F5: variants seen among roughly 807,000 people sequenced by gnomAD.
F5 encodes the protein coagulation factor V, also known as activated protein c cofactor.
In F5, 138 loss-of-function variants were observed where a neutral mutation model predicts 216.4. That is an observed-to-expected ratio of 0.64 (90% CI 0.56 to 0.73). F5 has a LOEUF of 0.73. F5 is among the 30% of genes least tolerant of loss of function. F5 has a pLI of 0.00. For synonymous variants in F5, 916 were observed against 930.7 expected (o/e 0.98, Z 0.29); for missense variants, 2,403 against 2,674.0 (o/e 0.90, Z 2.24).
chr1:169,531,532 A>G (rs994659241), intron 14 of F5, among the ~76,000 whole-genome samples: 4 of 152,186 alleles, frequency 2.6e-5, no homozygotes, highest in African/African-American at 9.7e-5. Context: ...TGGCCATCAT[A>G]GAATGAACAG....
chr1:169,572,689 T>A (rs544419608), intron 2 of F5, among the ~76,000 whole-genome samples: 2 of 152,114 alleles, frequency 1.3e-5, no homozygotes, highest in Non-Finnish European at 2.9e-5. Flanking sequence ...TTACAGAGGG[T>A]GATGCGAGAG....
Position 169,560,628 on chromosome 1 carries a change from A to G in F5, c.512T>C (p.Ile171Thr). 1 of 1,613,654 alleles carries G rather than the reference A, an allele frequency of 6.2e-7. No individual in the cohort carries two copies. Among genetic ancestry groups the G allele is most frequent in the Non-Finnish European group, 8.5e-7 (1 of 1,179,792 alleles). ...GATCAGATTTTCATGGGAGTAATAG[A>G]TGTGTGTGAGGCATGGAGGGTCATC... is the stretch of plus-strand genomic sequence containing the variant. ...THDDPPCLTH[I>T]YYSHENLIED... Residue 171 changes from isoleucine to threonine, a missense_variant, in exon 4 of 25, where the codon ATC becomes ACC. Coordinates refer to ENST00000367797, the MANE Select transcript of F5 (RefSeq NM_000130.5).
In F5 at chr1:169,546,606, C is replaced by T; in HGVS notation, c.1612-14G>A. ...GTCTGCTGCCCTCTGGAGGACAAAA[C>T]AGTATAGTACTGGTACAAGAACAGA... On this transcript the variant is annotated splice_polypyrimidine_tract_variant and intron_variant, in intron 10 of 24. Transcript: ENST00000367797. The T allele has an allele frequency of 6.2e-7, 1 of 1,612,960 alleles. No individual in the cohort carries two copies. The highest frequency in any genetic ancestry group is 8.5e-7 in the Non-Finnish European group (1 of 1,179,036).
rs1251630663 is a variant in F5, at chr1:169,560,652, T to G, written c.488A>C (p.Asp163Ala). ...GATGTGTGTGAGGCATGGAGGGTCA[T>G]CATGGGTGGGTCCACTGTCCTCACT... Reference protein sequence around the residue: ...SISEDSGPTHDDPPCLTHIYY... With the variant: ...SISEDSGPTHADPPCLTHIYY... Residue 163 changes from aspartate (D) to alanine (A), a missense_variant, in exon 4 of 25, where the codon GAT becomes GCT. Asp to Ala is a moderately radical substitution (Grantham distance 126, BLOSUM62 -2). Around this residue, in one of 4 missense-constraint regions of F5, gnomAD observed 1,425 missense variants for 1,554.8 expected, o/e 0.92. Coordinates refer to ENST00000367797, the MANE Select transcript of F5 (RefSeq NM_000130.5). 1 of 1,613,778 alleles carries G rather than the reference T, an allele frequency of 6.2e-7. No individual in the cohort carries two copies. The highest frequency in any genetic ancestry group is 1.1e-5 in the South Asian group (1 of 91,080).
chr1:169,554,254 A>G (rs1360956016), intron 7 of F5, among the ~76,000 whole-genome samples: 2 of 107,232 alleles, frequency 1.9e-5, no homozygotes, highest in African/African-American at 6.6e-5. Context: ...ATAAGAAAAT[A>G]TAAATATTCT....
chr1:169,529,876 A>C, intron 15 of F5, 58 bp from the exon 16 acceptor site: 1 of 1,390,984 alleles, frequency 7.2e-7, no homozygotes, highest in South Asian at 1.2e-5. Flanking sequence ...TGCTCTTCTG[A>C]TAATCACTCA....
rs748844637 is a variant in F5, at chr1:169,542,547, C to T, written c.2543G>A (p.Arg848His). ...DPLQPDVTGI[R>H]LLSLGAGEFK... ...TTCTCCAGCACCAAGTGAAAGTAGA[C>T]GTATCCCTGTGACATCTGGCTGTAG... Residue 848 changes from arginine (R) to histidine (H), a missense_variant, in exon 13 of 25, where the codon CGT becomes CAT. Arg to His is a conservative substitution (Grantham distance 29, BLOSUM62 0). Around this residue, in one of 4 missense-constraint regions of F5, gnomAD observed 1,425 missense variants for 1,554.8 expected, o/e 0.92. Coordinates refer to ENST00000367797, the MANE Select transcript of F5 (RefSeq NM_000130.5). 47 of 1,614,000 alleles carry T rather than the reference C, an allele frequency of 2.9e-5. No individual in the cohort carries two copies. The highest frequency in any genetic ancestry group is 6.6e-5 in the South Asian group (6 of 91,076).
chr1:169,518,047 A>G (rs991131713), intron 23 of F5, among the ~76,000 whole-genome samples: 2 of 152,184 alleles, frequency 1.3e-5, no homozygotes, highest in Admixed American at 6.5e-5. Flanking sequence ...ATTCATTTAC[A>G]TATTGTTTAT....
At position 169,542,682 on chromosome 1, in the gene F5, G is replaced by A; in HGVS notation, c.2408C>T (p.Ala803Val). 3 of 1,614,132 alleles carry A rather than the reference G, an allele frequency of 1.9e-6. No individual in the cohort carries two copies. The highest frequency in any genetic ancestry group is 3.3e-5 in the Admixed American group (2 of 60,016). The change falls in exon 13 of 25, where the codon GCC becomes GTC. Residue 803 changes from alanine to valine, a missense_variant. Transcript: ENST00000367797. The stretch of plus-strand genomic sequence containing the variant: ...TCTCAGTGGGGAACCAGCTGTGGTG[G>A]CTTGTTGGTGAGAAGGGGCTTTCTG... ...EPQKAPSHQQ[A>V]TTAGSPLRHL...
chr1:169,518,606 C>A (rs1444525547), intron 22 of F5, 43 bp from the exon 23 acceptor site: 1 of 1,605,744 alleles, frequency 6.2e-7, no homozygotes, highest in East Asian at 2.2e-5. Flanking sequence ...CACCAATATT[C>A]CCTGCATGGC....
intron 8 of F5, among the ~76,000 whole-genome samples, chr1:169,551,904 T>C (rs1387623903): frequency 6.6e-6 from 1 of 152,208 alleles, no homozygotes; most frequent in East Asian, 1.9e-4. Context: ...TTCATCAGAG[T>C]CCAACCATTA....
chr1:169,568,703 G>A lies in F5; in HGVS notation c.373+3518C>T, dbSNP rs566864482. Among the ~76,000 whole-genome samples, 4 of 152,192 alleles carry A rather than the reference G, an allele frequency of 2.6e-5. No individual in the cohort carries two copies. The South Asian group carries it at 8.3e-4, about 32-fold the overall frequency. On this transcript the variant is annotated intron_variant, in intron 3 of 24. Coordinates refer to ENST00000367797, the MANE Select transcript of F5 (RefSeq NM_000130.5). ...CTCAGTTCTGTTCATTTCCTGCTCA[G>A]TCGATAGTCAGCTTTGTATTGTATT...
At position 169,524,897 on chromosome 1, in the gene F5, G is replaced by A; in HGVS notation, c.5728C>T (p.Pro1910Ser). 1 of 1,612,930 alleles carries A rather than the reference G, an allele frequency of 6.2e-7. No individual in the cohort carries two copies. The stretch of plus-strand genomic sequence containing the variant: ...ATGATACCAGTGCTTAGTCCCATTG[G>A]CATCCTACAGTCTATGAAAAACAGA... ...FLIMDRDCRM[P>S]MGLSTGIISD... The change falls in exon 19 of 25, where the codon CCA becomes TCA. Residue 1910 changes from proline to serine, a missense_variant. Physicochemically the swap from Pro to Ser is moderately conservative, Grantham distance 74 (BLOSUM62 -1). Around this residue, in one of 4 missense-constraint regions of F5, gnomAD observed 659 missense variants for 787.9 expected, o/e 0.84. Transcript: ENST00000367797.
At chr1:169,522,448 G>A (rs1659332045) in intron 21 of F5, among the ~76,000 whole-genome samples, 1 of 152,138 alleles carries the variant, frequency 6.6e-6, no homozygotes, top group Admixed American at 6.5e-5. Context: ...ACTGCAATCT[G>A]TGTTTTCTCT....
At chr1:169,572,044 C>T (rs918547094) in intron 3 of F5, among the ~76,000 whole-genome samples, 177 bp downstream of exon 3, 5 of 152,144 alleles carry the variant, frequency 3.3e-5, no homozygotes, top group African/African-American at 1.2e-4. Flanking sequence ...GTCTAGAGGA[C>T]TCCAAAACCT....
In F5 at chr1:169,586,467, T is replaced by C; in HGVS notation, c.-81A>G. 1 of 1,543,994 alleles carries C rather than the reference T, an allele frequency of 6.5e-7. No homozygotes were observed. The highest frequency in any genetic ancestry group is 1.2e-5 in the South Asian group (1 of 85,592). On this transcript the variant is annotated 5_prime_UTR_variant, in exon 1 of 25. Transcript: ENST00000367797. The stretch of plus-strand genomic sequence containing the variant: ...CCGAGCTGCTAACCACACTCCGGGC[T>C]GTCCCAGCTGCAATGAGCTCTAGAG...
At chr1:169,582,982 A>G (rs1661022021) in intron 1 of F5, among the ~76,000 whole-genome samples, 1 of 152,216 alleles carries the variant, frequency 6.6e-6, no homozygotes, top group African/African-American at 2.4e-5. Flanking sequence ...GAGAGGTGAG[A>G]GATGGCTAAT....
chr1:169,555,090 G>T, intron 7 of F5, 92 bp downstream of exon 7: 5 of 1,410,806 alleles, frequency 3.5e-6, no homozygotes, highest in Non-Finnish European at 1.0e-6. Flanking sequence ...GTCCCCTTGA[G>T]AGCTGTGAAC....
At chr1:169,532,016 C>T (rs1659604513) in intron 14 of F5, among the ~76,000 whole-genome samples, 1 of 152,306 alleles carries the variant, frequency 6.6e-6, no homozygotes, top group Non-Finnish European at 1.5e-5. Context: ...ACATAGGCTT[C>T]ATTCCTAGGA....
Sources: gnomAD v4.1 joint callset for allele counts (sites outside exome capture counted in the v4.1 genomes callset) on GRCh38, gnomAD v4.1.1 for gene constraint, gnomAD v4.1.1 regional missense constraint, MANE v1.5 for transcripts, NCBI Gene and HGNC (gene_info 2026-07-23, HGNC 2026-07-21) for gene names.